PCNX2: variants seen among roughly 807,000 people sequenced by gnomAD.
PCNX2 encodes the protein pecanex 2.
PCNX2 carries 168 observed loss-of-function variants against 223.8 expected under a neutral mutation model. That is an observed-to-expected ratio of 0.75 (90% confidence interval 0.66 to 0.85). The LOEUF (loss-of-function observed/expected upper bound fraction) is 0.85. PCNX2 is among the 40% of genes least tolerant of loss of function. PCNX2 has a pLI of 0.00. For missense variants in PCNX2, 2,507 were observed against 2,675.5 expected (o/e 0.94, Z 1.39); for synonymous variants, 1,006 against 1,052.6 (o/e 0.96, Z 0.86).
chr1:233,015,108 A>G (rs1670604816), intron 27 of PCNX2, among the ~76,000 whole-genome samples: 1 of 152,220 alleles, frequency 6.6e-6, no homozygotes, highest in Admixed American at 6.5e-5. Context: ...GCCCACCTTA[A>G]CACTCTCCAA....
intron 1 of PCNX2, among the ~76,000 whole-genome samples, chr1:233,281,449 G>A (rs776226108): frequency 4.6e-5 from 7 of 152,124 alleles, no homozygotes; most frequent in Non-Finnish European, 7.4e-5. Context: ...TAAGAAATGC[G>A]TAAGGTCCTT....
At chr1:233,220,086 G>A (rs1018793682) in intron 10 of PCNX2, among the ~76,000 whole-genome samples, 2 of 152,036 alleles carry the variant, frequency 1.3e-5, no homozygotes, top group Non-Finnish European at 2.9e-5. Flanking sequence ...TGCAGTTAAC[G>A]TTCCTCCATG....
intron 26 of PCNX2, among the ~76,000 whole-genome samples, chr1:233,018,525 T>C (rs964961856): frequency 6.6e-6 from 1 of 152,202 alleles, no homozygotes; most frequent in Non-Finnish European, 1.5e-5. Context: ...GTAACAGCTT[T>C]GTGGAAAGCC....
chr1:233,299,316 A>G (rs1177215997), upstream of PCNX2, among the ~76,000 whole-genome samples: 2 of 140,812 alleles, frequency 1.4e-5, no homozygotes, highest in South Asian at 5.0e-4. Flanking sequence ...CCCTGTTGCC[A>G]TGACTTCAAG....
chr1:233,211,218 A>G (rs1428054372), intron 12 of PCNX2, among the ~76,000 whole-genome samples: 1 of 152,012 alleles, frequency 6.6e-6, no homozygotes, highest in African/African-American at 2.4e-5. Context: ...GGCTGCCTCC[A>G]TCCTCTCTCT....
At chr1:233,289,526 G>A in intron 1 of PCNX2, 2 of 676,478 alleles carry the variant, frequency 3.0e-6, no homozygotes, top group Non-Finnish European at 5.3e-6. Flanking sequence ...CCATGCTGCA[G>A]GCTCTTCGCC....
the PCNX2 span, among the ~76,000 whole-genome samples, chr1:233,311,317 C>A: frequency 6.6e-6 from 1 of 152,178 alleles, no homozygotes; most frequent in Non-Finnish European, 1.5e-5. Context: ...GTCATGGCAG[C>A]CTGCCTGGAA....
At chr1:233,130,033 C>G (rs61202351) in intron 21 of PCNX2, among the ~76,000 whole-genome samples, 6,260 of 152,110 alleles carry the variant, frequency 0.041, 157 homozygotes, top group African/African-American at 0.088. Context: ...TGAGGCCAGC[C>G]AGACCACGAA....
At chr1:233,153,064 G>A (rs147993917) in intron 19 of PCNX2, among the ~76,000 whole-genome samples, 1 of 152,264 alleles carries the variant, frequency 6.6e-6, no homozygotes, top group East Asian at 1.9e-4. Context: ...GAAAAACCTA[G>A]TCACAAACAA....
At chr1:233,056,591 G>T (rs547537418) in intron 24 of PCNX2, among the ~76,000 whole-genome samples, 1 of 152,104 alleles carries the variant, frequency 6.6e-6, no homozygotes, top group South Asian at 2.1e-4. Context: ...TTTTGATTTC[G>T]AATTAATCAT....
At chr1:233,292,823 G>A (rs556514722) in intron 1 of PCNX2, among the ~76,000 whole-genome samples, 2 of 152,130 alleles carry the variant, frequency 1.3e-5, no homozygotes, top group East Asian at 1.9e-4. Context: ...TAATAACGCA[G>A]GCTATATATT....
Position 232,986,344 on chromosome 1 carries a change from A to T in PCNX2, c.5988T>A (p.Ser1996=), listed in dbSNP as rs1294038866. The change falls in exon 33 of 34, where the codon TCT becomes TCA. Residue 1996 remains serine, a synonymous_variant. Coordinates refer to ENST00000258229, the MANE Select transcript of PCNX2 (RefSeq NM_014801.4). ...SLHASATSLH[S]QPPPVTTTGH... The stretch of plus-strand genomic sequence containing the variant: ...CGGTGGTGGTGACGGGCGGGGGCTG[A>T]GAGTGCAGGGACGTGGCCGAGGCGT... The T allele has an allele frequency of 6.3e-7, 1 of 1,599,070 alleles. No individual in the cohort carries two copies. The highest frequency in any genetic ancestry group is 8.5e-7 in the Non-Finnish European group (1 of 1,173,498).
intron 21 of PCNX2, among the ~76,000 whole-genome samples, chr1:233,120,890 C>T (rs1332124270): frequency 6.6e-6 from 1 of 151,896 alleles, no homozygotes; most frequent in Non-Finnish European, 1.5e-5. Context: ...GAACCAACTA[C>T]TAACTATAAG....
At position 233,088,504 on chromosome 1, in the gene PCNX2, T is replaced by C. The variant is rs571803214; in HGVS notation, c.4076+1557A>G. ...TTAAAGAGAAGCCAACTGTGGTAGT[T>C]TTTTTTTACTCTCTGGCTCTGTAAA... is the stretch of plus-strand genomic sequence containing the variant. On this transcript the variant is annotated intron_variant, in intron 23 of 33. Transcript: ENST00000258229. Among the ~76,000 whole-genome samples, 5 of 152,208 alleles carry C rather than the reference T, an allele frequency of 3.3e-5. No homozygotes were observed. In the East Asian group the frequency reaches 9.7e-4, roughly 29 times the overall value.
chr1:233,070,085 T>A (rs959921806), intron 23 of PCNX2, among the ~76,000 whole-genome samples: 10 of 152,244 alleles, frequency 6.6e-5, no homozygotes, highest in African/African-American at 2.4e-4. Flanking sequence ...CAAATAATTT[T>A]ACATGCATGA....
chr1:233,279,437 T>C (rs952349373), intron 1 of PCNX2, among the ~76,000 whole-genome samples: 2 of 151,600 alleles, frequency 1.3e-5, no homozygotes, highest in Non-Finnish European at 2.9e-5. Context: ...TATTTATATA[T>C]ATGTGTGTGT....
At chr1:233,261,577 G>T (rs1266205845) in intron 3 of PCNX2, among the ~76,000 whole-genome samples, 1 of 152,134 alleles carries the variant, frequency 6.6e-6, no homozygotes, top group African/African-American at 2.4e-5. Context: ...AGCAAAGAAG[G>T]AAGAAGCCAC....
intron 5 of PCNX2, among the ~76,000 whole-genome samples, chr1:233,255,044 C>T (rs778158036): frequency 2.6e-5 from 4 of 152,150 alleles, no homozygotes; most frequent in Non-Finnish European, 5.9e-5. Flanking sequence ...CAATAATCTG[C>T]AGCAACCAGG....
Position 233,001,610 on chromosome 1 carries a change from C to T in PCNX2, c.5024G>A (p.Trp1675Ter). Residue 1675 changes from tryptophan (W) to a stop codon, truncating the protein, a stop_gained, in exon 29 of 34, where the codon TGG becomes TAG. Transcript: ENST00000258229. LOFTEE classifies it high-confidence loss of function. The surrounding 1 kb of genome is among the most constrained non-coding windows in gnomAD (Gnocchi z 4.2). ...CAGTAGGTCCATGTCAGCAAATACC[C>T]ACTCGTCACGTGCTGTTATTCTGAA... Reference protein sequence around the residue: ...GDFRITARDEWVFADMDLLHK... With the variant: ...GDFRITARDE 1 of 1,582,770 alleles carries T rather than the reference C, an allele frequency of 6.3e-7. No homozygotes were observed. Among genetic ancestry groups the T allele is most frequent in the Non-Finnish European group, 8.6e-7 (1 of 1,162,682 alleles).
Sources: allele counts gnomAD v4.1 joint callset (sites outside exome capture counted in the v4.1 genomes callset), GRCh38; gene constraint gnomAD v4.1.1; non-coding constraint Gnocchi (gnomAD v3.1); transcripts MANE v1.5; gene names NCBI Gene and HGNC (gene_info 2026-07-23, HGNC 2026-07-21).